CFAP58: variants seen among roughly 807,000 people sequenced by gnomAD.
CFAP58 encodes cilia- and flagella-associated protein 58.
In CFAP58, 88 loss-of-function variants were observed where a neutral mutation model predicts 119.5. That is an observed-to-expected ratio of 0.74 (90% CI 0.62 to 0.88). The LOEUF is 0.88. CFAP58 is among the 40% of genes least tolerant of loss of function. The probability of loss-of-function intolerance (pLI) is 0.00; values close to 1 mark genes in which losing one functional copy is unlikely to be tolerated. For synonymous variants in CFAP58, 365 were observed against 366.3 expected (o/e 1.00, Z 0.04); for missense variants, 990 against 1,021.2 (o/e 0.97, Z 0.42).
At chr10:104,371,194 C>A in intron 7 of CFAP58, 140 bp downstream of exon 7, 1 of 757,436 alleles carries the variant, frequency 1.3e-6, no homozygotes, top group South Asian at 2.2e-5. Context: ...GGTAAACAGT[C>A]AATATGGGGT....
Position 104,368,529 on chromosome 10 carries a change from A to T in CFAP58, c.899A>T (p.Gln300Leu), listed in dbSNP as rs766161060. Residue 300 changes from glutamine (Q) to leucine (L), a missense_variant, in exon 6 of 18, where the codon CAG becomes CTG. Coordinates refer to ENST00000369704, the MANE Select transcript of CFAP58 (RefSeq NM_001008723.2). ...QHSLVCEQLS[Q>L]ENQQKALELK... ...AGTTTGGTCTGTGAGCAGCTATCCC[A>T]GGAAAACCAACAGAAGGCGTTGGAG... 3.7e-6 allele frequency: 6 copies of T among 1,613,898 alleles called. No individual in the cohort carries two copies. Among genetic ancestry groups the T allele is most frequent in the African/African-American group, 1.3e-5 (1 of 74,936 alleles).
At position 104,364,783 on chromosome 10, in the gene CFAP58, A is replaced by G. The variant is rs1415185933; in HGVS notation, c.491A>G (p.Gln164Arg). The G allele has an allele frequency of 6.2e-7, 1 of 1,613,122 alleles. No homozygotes were observed. Among genetic ancestry groups the G allele is most frequent in the Non-Finnish European group, 8.5e-7 (1 of 1,179,566 alleles). ...GAAGAAGTGACAAAGGAGAGAGACC[A>G]GCTCTTATCAGAAGTGGTAAAATTA... is the stretch of plus-strand genomic sequence containing the variant. ...FKEEVTKERD[Q>R]LLSEVVKLRE... Residue 164 changes from glutamine (Q) to arginine (R), a missense_variant, in exon 4 of 18, where the codon CAG (glutamine) becomes CGG (arginine). Transcript: ENST00000369704.
intron 15 of CFAP58, among the ~76,000 whole-genome samples, chr10:104,446,235 C>T (rs1248573262): frequency 6.6e-6 from 1 of 152,208 alleles, no homozygotes; most frequent in Non-Finnish European, 1.5e-5. Flanking sequence ...AAGATCATCA[C>T]TTTGTAATTT....
At chr10:104,353,784 C>A, upstream of CFAP58, 1 of 1,342,376 alleles carries the variant, frequency 7.4e-7, no homozygotes, top group Non-Finnish European at 1.0e-6. Context: ...CGGGTTTCCG[C>A]TCGGGGCGGG....
intron 14 of CFAP58, 34 bp downstream of exon 14, chr10:104,403,874 A>G (rs1223980890): frequency 2.9e-6 from 4 of 1,373,232 alleles, no homozygotes; most frequent in Non-Finnish European, 4.1e-6. Flanking sequence ...CCCATCCCCA[A>G]ATCTCTCCTC....
At chr10:104,402,585 C>T (rs1269609461) in intron 13 of CFAP58, among the ~76,000 whole-genome samples, 2 of 152,200 alleles carry the variant, frequency 1.3e-5, no homozygotes, top group African/African-American at 4.8e-5. Flanking sequence ...GATAGGGCGA[C>T]AGCCAGCTCG....
chr10:104,418,938 T>C (rs1206943157), intron 15 of CFAP58, among the ~76,000 whole-genome samples: 2 of 152,022 alleles, frequency 1.3e-5, no homozygotes, highest in Non-Finnish European at 2.9e-5. Flanking sequence ...TGTCTGTGGG[T>C]TTTTGCTCTG....
Position 104,447,819 on chromosome 10 carries a change from T to C in CFAP58, c.2376+2T>C, listed in dbSNP as rs1386732364. On this transcript the variant is annotated splice_donor_variant, in intron 16 of 17. Coordinates refer to ENST00000369704, the MANE Select transcript of CFAP58 (RefSeq NM_001008723.2). LOFTEE classifies it high-confidence loss of function. ...CATGACAAGAAGCAGCAGCTGAAAG[T>C]AAGTGGTAGCCCCTGTTCCTTCCGG... The C allele has an allele frequency of 3.1e-6, 5 of 1,610,566 alleles. No homozygotes were observed.
chr10:104,358,020 CATATATATACATATGT>C (rs1564876379), intron 1 of CFAP58, among the ~76,000 whole-genome samples: 3 of 140,136 alleles, frequency 2.1e-5, no homozygotes, highest in African/African-American at 8.4e-5. Context: ...CATATATGTA[CATATATATACATATGT>C]ACATATACAC....
At chr10:104,436,508 G>C (rs751828405) in intron 15 of CFAP58, among the ~76,000 whole-genome samples, 6 of 152,090 alleles carry the variant, frequency 3.9e-5, no homozygotes, top group Non-Finnish European at 8.8e-5. Context: ...TTTTTCTTAT[G>C]GTGGAAGGTG....
At chr10:104,360,508 G>T (rs1325624816) in intron 2 of CFAP58, among the ~76,000 whole-genome samples, 2 of 151,952 alleles carry the variant, frequency 1.3e-5, no homozygotes, top group African/African-American at 2.4e-5. Context: ...TAAGTGCAGG[G>T]GTACATGTGC....
upstream of CFAP58, among the ~76,000 whole-genome samples, chr10:104,350,119 C>T (rs1489545932): frequency 6.6e-6 from 1 of 152,218 alleles, no homozygotes; most frequent in Non-Finnish European, 1.5e-5. Flanking sequence ...GCACAATTTG[C>T]TTCTCCTGAT....
upstream of CFAP58, chr10:104,353,619 C>T (rs1186159982): frequency 2.2e-6 from 1 of 464,176 alleles, no homozygotes; most frequent in African/African-American, 1.9e-5. Context: ...ACCGCCCCCT[C>T]ACTTCCTTGG....
At chr10:104,438,230 T>C (rs1176832615) in intron 15 of CFAP58, among the ~76,000 whole-genome samples, 2 of 152,180 alleles carry the variant, frequency 1.3e-5, no homozygotes, top group Non-Finnish European at 2.9e-5. Context: ...CTTCAGTGGG[T>C]TGGGAGTCTG....
chr10:104,376,409 G>A (rs1270135831), intron 7 of CFAP58, among the ~76,000 whole-genome samples: 1 of 150,808 alleles, frequency 6.6e-6, no homozygotes, highest in Non-Finnish European at 1.5e-5. Flanking sequence ...AGAGGTTGAG[G>A]CAGGAAAATC....
At chr10:104,408,296 C>T (rs984529991) in intron 15 of CFAP58, among the ~76,000 whole-genome samples, 1 of 152,194 alleles carries the variant, frequency 6.6e-6, no homozygotes, top group Admixed American at 6.5e-5. Context: ...GAATTACATA[C>T]ATTGTACAAA....
intron 13 of CFAP58, among the ~76,000 whole-genome samples, chr10:104,401,380 C>T (rs576598245): frequency 5.4e-4 from 82 of 152,306 alleles, no homozygotes; most frequent in African/African-American, 1.9e-3. Flanking sequence ...TTGAAAACTT[C>T]GTTTCCTTAG....
intron 9 of CFAP58, among the ~76,000 whole-genome samples, chr10:104,387,417 A>T (rs1250558971): frequency 6.6e-6 from 1 of 152,202 alleles, no homozygotes; most frequent in Non-Finnish European, 1.5e-5. Context: ...ATGTCTCTCT[A>T]CTTGTCTGAT....
chr10:104,358,529 G>C lies in CFAP58; in HGVS notation c.198G>C (p.Glu66Asp). ...AGCGTCTGATGGCCAAATGCAGAGA[G>C]CTAAATGCAGAGATTGTAGTGAATT... ...NEKRLMAKCR[E>D]LNAEIVVNSA... The change falls in exon 2 of 18, where the codon GAG (glutamate) becomes GAC (aspartate). Residue 66 changes from glutamate (E) to aspartate (D), a missense_variant. Physicochemically the swap from Glu to Asp is conservative, Grantham distance 45 (BLOSUM62 2). Transcript: ENST00000369704. 1 of 1,614,120 alleles carries C rather than the reference G, an allele frequency of 6.2e-7. No homozygotes were observed. The highest frequency in any genetic ancestry group is 8.5e-7 in the Non-Finnish European group (1 of 1,180,014).
Sources: allele counts gnomAD v4.1 joint callset (sites outside exome capture counted in the v4.1 genomes callset), GRCh38; gene constraint gnomAD v4.1.1; transcripts MANE v1.5; gene names NCBI Gene and HGNC (gene_info 2026-07-23, HGNC 2026-07-21).